The following IFITM10 variants were observed in gnomAD, a reference collection of about 807,000 sequenced individuals.
IFITM10 encodes the protein interferon induced transmembrane protein 10, also known as interferon-induced transmembrane protein 10.
A neutral mutation model predicts 19.0 loss-of-function variants in IFITM10; 17 were observed. That is an observed-to-expected ratio of 0.90 (90% confidence interval 0.61 to 1.34). IFITM10 has a LOEUF of 1.34. IFITM10 is among the 40% of genes most tolerant of loss of function. The probability of loss-of-function intolerance (pLI) is 0.00; values close to 1 mark genes in which losing one functional copy is unlikely to be tolerated. For missense variants in IFITM10, 306 were observed against 319.8 expected, an observed-to-expected ratio of 0.96 and a Z score of 0.33; for synonymous variants, 148 against 147.2, an observed-to-expected ratio of 1.01 and a Z score of -0.04.
intron 2 of IFITM10, among the ~76,000 whole-genome samples, chr11:1,736,672 AAGTGGGTGGAATGGATGGAGTGC>A (rs1851090401): frequency 3.5e-5 from 5 of 143,816 alleles, no homozygotes; most frequent in South Asian, 2.2e-4. Flanking sequence ...GGATGGAGTG[AAGTGGGTGGAATGGATGGAGTGC>A]AGTGGGTGGA....
At chr11:1,745,342 G>C (rs1458428822) in intron 2 of IFITM10, 1 of 152,316 alleles carries the variant, frequency 6.6e-6, no homozygotes, top group African/African-American at 2.4e-5. Context: ...AGAGAGAGGG[G>C]AGGCAGAGCT....
rs572349173 is a variant in IFITM10, at chr11:1,748,091, G to A, written c.113C>T (p.Pro38Leu). 848 of 1,407,248 alleles carry A rather than the reference G, an allele frequency of 6.0e-4. 5 individuals are homozygous for A. The African/African-American group carries it at 0.011, about 19-fold the overall frequency. The allele number at this position is 1,407,248 out of a possible 1,614,324, so 87.2% of individuals were successfully genotyped here. Residue 38 changes from proline to leucine, a missense_variant, in exon 2 of 3, where the codon CCG (proline) becomes CTG (leucine). Pro to Leu is a moderately conservative substitution (Grantham distance 98). Transcript: ENST00000340134. Reference sequence around the variant, plus strand: ...CGTGGTGCTGGCCGGGTCTCCCAGCGGGGCTGGGCACTGGCCGGGGCCCTG... The same window carrying A: ...CGTGGTGCTGGCCGGGTCTCCCAGCAGGGCTGGGCACTGGCCGGGGCCCTG... Reference protein sequence around the residue: ...EAQGPGQCPAPLGDPASTTDG... With the variant: ...EAQGPGQCPALLGDPASTTDG...
intron 2 of IFITM10, among the ~76,000 whole-genome samples, chr11:1,740,304 A>G (rs1265925320): frequency 7.9e-5 from 11 of 138,794 alleles, no homozygotes; most frequent in African/African-American, 3.0e-4. Context: ...CATCTCAAAA[A>G]AAAAAAAAAA....
At chr11:1,742,192 T>G (rs1845576088) in intron 2 of IFITM10, among the ~76,000 whole-genome samples, 1 of 151,106 alleles carries the variant, frequency 6.6e-6, no homozygotes, top group Non-Finnish European at 1.5e-5. Context: ...ACGAGATGAG[T>G]GGTGGGGTGG....
chr11:1,750,540 C>A lies in IFITM10; in HGVS notation c.-98G>T. 6.8e-7 allele frequency: 1 copy of A among 1,481,150 alleles called. No homozygotes were observed. The allele number at this position is 1,481,150 out of a possible 1,614,324, so 91.8% of individuals were successfully genotyped here. On this transcript the variant is annotated 5_prime_UTR_variant, in exon 1 of 3. Coordinates refer to ENST00000340134, the MANE Select transcript of IFITM10 (RefSeq NM_001170820.4). ...GCAACCCTCTTTCCTGTCTGGAAGGCCAGTCCTGCTTGGGGTCCTGTCTGC... is the reference window on the plus strand; with the variant it reads ...GCAACCCTCTTTCCTGTCTGGAAGGACAGTCCTGCTTGGGGTCCTGTCTGC...
chr11:1,735,379 T>C lies in IFITM10; in HGVS notation c.588A>G (p.Ala196=), dbSNP rs1390281199. Residue 196 remains alanine, a synonymous_variant, in exon 3 of 3, where the codon GCA becomes GCG. Transcript: ENST00000340134. The stretch of plus-strand genomic sequence containing the variant: ...TGATGTTGAACAGCCGGGCCGTCTT[T>C]GCATCCTCCACGGCTCCATTCAGGT... ...LNDLNGAVED[A]KTARLFNITS... The C allele has an allele frequency of 1.9e-6, 3 of 1,551,548 alleles. No individual in the cohort carries two copies. In the East Asian group the frequency reaches 7.3e-5, roughly 38 times the overall value.
intron 2 of IFITM10, chr11:1,744,361 C>T (rs1845611909): frequency 6.6e-6 from 1 of 152,356 alleles, no homozygotes; most frequent in African/African-American, 2.4e-5. Context: ...CGAGGATGTG[C>T]ACATCGCTCA....
At position 1,734,346 on chromosome 11, in the gene IFITM10, G is replaced by C. The variant is rs1851060307; in HGVS notation, c.*934C>G. On this transcript the variant is annotated 3_prime_UTR_variant, in exon 3 of 3. Transcript: ENST00000340134. The stretch of plus-strand genomic sequence containing the variant: ...AAGGCATCTTCCGTTCATTTTCACA[G>C]TGATTATAGAAGTGAAAGGCCATTT... 6.6e-6 allele frequency: 1 copy of C among 152,282 alleles called. No individual in the cohort carries two copies. The highest frequency in any genetic ancestry group is 2.1e-4 in the South Asian group (1 of 4,834). 9.4% of individuals were successfully genotyped at this position (152,282 alleles called of 1,614,324 possible).
At chr11:1,740,299 CAAAAAAAAA>C (rs58480346) in intron 2 of IFITM10, among the ~76,000 whole-genome samples, 2 of 41,030 alleles carry the variant, frequency 4.9e-5, no homozygotes, top group Admixed American at 3.1e-4. Context: ...GACTCCATCT[CAAAAAAAAA>C]AAAAAAAAAA....
intron 2 of IFITM10, among the ~76,000 whole-genome samples, 186 bp downstream of exon 2, chr11:1,747,481 C>T (rs181547382): frequency 2.4e-4 from 36 of 152,310 alleles, no homozygotes; most frequent in African/African-American, 8.4e-4. Context: ...AGCCAGTACC[C>T]CGACCTCTCT....
At chr11:1,748,805 C>A (rs954783145) in intron 1 of IFITM10, 3 of 155,484 alleles carry the variant, frequency 1.9e-5, no homozygotes, top group Non-Finnish European at 4.2e-5. Flanking sequence ...CACACTTGCC[C>A]GGAGCCACGC....
chr11:1,744,642 G>A (rs916407194), intron 2 of IFITM10: 1 of 152,508 alleles, frequency 6.6e-6, no homozygotes, highest in Non-Finnish European at 1.5e-5. Flanking sequence ...ATGTGGGTGG[G>A]GGGGGTGGAT....
intron 2 of IFITM10, among the ~76,000 whole-genome samples, chr11:1,742,699 T>C (rs1201702996): frequency 6.6e-6 from 1 of 152,116 alleles, no homozygotes; most frequent in Admixed American, 6.5e-5. Context: ...ATGAATAGTT[T>C]AGTGGGTTGA....
chr11:1,748,909 C>T lies in IFITM10; in HGVS notation c.85-790G>A, dbSNP rs938920734. 1.5e-4 allele frequency: 50 copies of T among 334,280 alleles called. 1 individual carries two copies. Among genetic ancestry groups the T allele is most frequent in the Non-Finnish European group, 2.1e-4 (49 of 232,342 alleles). The allele number at this position is 334,280 out of a possible 1,614,324, so 20.7% of individuals were successfully genotyped here. A position where few individuals can be genotyped will look rare whatever the true frequency, so the allele number is the denominator to read the frequency against. On this transcript the variant is annotated intron_variant, in intron 1 of 2. Transcript: ENST00000340134. ...GTCGCTCGCGCTCTGCGCCACCCCG[C>T]GTTCCCAGCTCCCGTGCGGCGCTCG... is the stretch of plus-strand genomic sequence containing the variant.
chr11:1,744,101 T>G (rs1845608689), intron 2 of IFITM10, among the ~76,000 whole-genome samples: 1 of 152,206 alleles, frequency 6.6e-6, no homozygotes, highest in Admixed American at 6.5e-5. Flanking sequence ...TGCTGCCTCC[T>G]TCTAGAAGTT....
intron 2 of IFITM10, among the ~76,000 whole-genome samples, chr11:1,742,009 C>T (rs1376726615): frequency 6.6e-5 from 10 of 152,116 alleles, no homozygotes; most frequent in South Asian, 2.1e-4. Context: ...TTCGAGCCTC[C>T]GGAACAGTGA....
At chr11:1,748,948 G>T in intron 1 of IFITM10, 1 of 747,770 alleles carries the variant, frequency 1.3e-6, no homozygotes, top group Non-Finnish European at 1.6e-6. Context: ...GGGGGTCTGC[G>T]GCCGAGGCTC....
chr11:1,749,697 C>T (rs912080742), intron 1 of IFITM10, among the ~76,000 whole-genome samples: 1 of 151,930 alleles, frequency 6.6e-6, no homozygotes, highest in East Asian at 1.9e-4. Flanking sequence ...CCTGACTGCC[C>T]GTCTCTGCCC....
In IFITM10 at chr11:1,748,044, C is replaced by G; in HGVS notation, c.160G>C (p.Val54Leu). 1 of 1,421,816 alleles carries G rather than the reference C, an allele frequency of 7.0e-7. No individual in the cohort carries two copies. Among genetic ancestry groups the G allele is most frequent in the Non-Finnish European group, 9.1e-7 (1 of 1,093,516 alleles). The allele number at this position is 1,421,816 out of a possible 1,614,324, so 88.1% of individuals were successfully genotyped here. ...ATCCAGAAGGCCCCGTCCAGGGGGA[C>G]TCGGGCTTCCTGGGCGCCGTCCGTG... ...STTDGAQEAR[V>L]PLDGAFWIPR... The change falls in exon 2 of 3, where the codon GTC becomes CTC. Residue 54 changes from valine (V) to leucine (L), a missense_variant. Coordinates refer to ENST00000340134, the MANE Select transcript of IFITM10 (RefSeq NM_001170820.4).
Sources: gnomAD v4.1 joint callset for allele counts (sites outside exome capture counted in the v4.1 genomes callset) on GRCh38, gnomAD v4.1.1 for gene constraint, MANE v1.5 for transcripts, NCBI Gene and HGNC (gene_info 2026-07-23, HGNC 2026-07-21) for gene names.